Variants in SPPL3 observed in about 807,000 individuals in gnomAD.
SPPL3 encodes the protein signal peptide peptidase like 3, also known as signal peptide peptidase-like 3.
In SPPL3, 5 loss-of-function variants were observed where a neutral mutation model predicts 42.4. The ratio of observed to expected loss-of-function variants is 0.12; its 90% CI spans 0.06 to 0.25. The LOEUF is 0.25. Ranked by LOEUF, SPPL3 falls within the 10% of genes least tolerant of loss-of-function variation. The pLI, the probability that SPPL3 is intolerant of heterozygous loss-of-function variation, is 1.00. For missense variants in SPPL3, 235 were observed against 489.0 expected (o/e 0.48, Z 4.90); for synonymous variants, 195 against 181.8 (o/e 1.07, Z -0.58).
intron 1 of SPPL3, among the ~76,000 whole-genome samples, chr12:120,855,027 T>C (rs1592997346): frequency 6.6e-6 from 1 of 152,114 alleles, no homozygotes; most frequent in East Asian, 1.9e-4. Context: ...GGAAGAAGCA[T>C]GCAGGGCTTT....
chr12:120,824,590 C>G (rs1382173737), intron 1 of SPPL3, among the ~76,000 whole-genome samples: 1 of 152,174 alleles, frequency 6.6e-6, no homozygotes, highest in Non-Finnish European at 1.5e-5. Context: ...AGTGTAGTGG[C>G]ATGATCACGG....
chr12:120,892,919 T>C (rs1170145348), intron 1 of SPPL3, among the ~76,000 whole-genome samples: 2 of 145,000 alleles, frequency 1.4e-5, no homozygotes, highest in East Asian at 2.1e-4. Flanking sequence ...TAGGCAGAGG[T>C]TGCAGTGAGC....
intron 2 of SPPL3, 84 bp downstream of exon 2, chr12:120,810,725 G>GT: frequency 1.9e-6 from 2 of 1,026,504 alleles, no homozygotes; most frequent in Non-Finnish European, 3.0e-6. Context: ...TCTTCACAGA[G>GT]TAAGTTTTGG....
At chr12:120,825,969 G>A (rs976544618) in intron 1 of SPPL3, among the ~76,000 whole-genome samples, 4 of 94,930 alleles carry the variant, frequency 4.2e-5, no homozygotes, top group African/African-American at 8.5e-5. Context: ...TATCTCTGGT[G>A]ACACACTCAC....
At chr12:120,876,711 A>G (rs571112722) in intron 1 of SPPL3, among the ~76,000 whole-genome samples, 1 of 151,830 alleles carries the variant, frequency 6.6e-6, no homozygotes, top group Admixed American at 6.6e-5. Context: ...ATGCAGCTAA[A>G]AAGTGCTTAG....
chr12:120,787,306 T>C (rs1177285296), intron 3 of SPPL3, among the ~76,000 whole-genome samples: 1 of 152,222 alleles, frequency 6.6e-6, no homozygotes, highest in Non-Finnish European at 1.5e-5. Context: ...AAATTATAAC[T>C]GAAGTTTAGT....
At chr12:120,843,213 A>C (rs932472136) in intron 1 of SPPL3, among the ~76,000 whole-genome samples, 1 of 152,306 alleles carries the variant, frequency 6.6e-6, no homozygotes, top group East Asian at 1.9e-4. Context: ...CTATAGATTC[A>C]CATTAGATAA....
rs754118169 is a variant in SPPL3 at position 120,767,477 on chromosome 12, C to G, written c.890G>C (p.Cys297Ser). 8.1e-6 allele frequency: 13 copies of G among 1,614,202 alleles called. No individual in the cohort carries two copies. The highest frequency in any genetic ancestry group is 1.1e-5 in the South Asian group (1 of 91,082). The change falls in exon 9 of 11, where the codon TGT becomes TCT. Residue 297 changes from cysteine (C) to serine (S), a missense_variant. By Grantham distance (112) the Cys-to-Ser change is moderately radical. Around this residue, in one of 6 missense-constraint regions of SPPL3, gnomAD observed 29 missense variants for 16.4 expected, o/e 1.77. Coordinates refer to ENST00000353487, the MANE Select transcript of SPPL3 (RefSeq NM_139015.5). ...NYKKQASGDS[C>S]GAPGPANISG... ...GATGTTGGCAGGTCCAGGGGCCCCACAGGAGTCCCCACTGGCTTGCTTTTT... is the reference window on the plus strand; with the variant it reads ...GATGTTGGCAGGTCCAGGGGCCCCAGAGGAGTCCCCACTGGCTTGCTTTTT...
At chr12:120,797,674 G>C (rs748067559) in intron 2 of SPPL3, among the ~76,000 whole-genome samples, 9 of 152,042 alleles carry the variant, frequency 5.9e-5, no homozygotes, top group Non-Finnish European at 1.2e-4. Context: ...ATGTCCCTGG[G>C]GGTACCAAAA....
chr12:120,820,891 A>G (rs1426690452), intron 1 of SPPL3, among the ~76,000 whole-genome samples: 4 of 152,166 alleles, frequency 2.6e-5, no homozygotes, highest in African/African-American at 9.6e-5. Context: ...CTAGTAGTTC[A>G]AGACCAACCT....
intron 6 of SPPL3, among the ~76,000 whole-genome samples, chr12:120,777,534 T>C (rs1869366770): frequency 6.6e-6 from 1 of 152,162 alleles, no homozygotes; most frequent in Non-Finnish European, 1.5e-5. Flanking sequence ...TGTCACTTTA[T>C]CACTCTTAAT....
At chr12:120,893,466 T>C (rs553514930) in intron 1 of SPPL3, among the ~76,000 whole-genome samples, 76 of 152,236 alleles carry the variant, frequency 5.0e-4, no homozygotes, top group African/African-American at 1.7e-3. Flanking sequence ...AGAAGACCTT[T>C]ATGACCCTGC....
chr12:120,845,490 G>T (rs7972912), intron 1 of SPPL3: 18,173 of 426,564 alleles, frequency 0.043, 2,102 homozygotes, highest in African/African-American at 0.29. Context: ...GTACTCCATG[G>T]TTTCCACGTT....
At chr12:120,807,367 C>A (rs1039044967) in intron 2 of SPPL3, among the ~76,000 whole-genome samples, 2 of 152,010 alleles carry the variant, frequency 1.3e-5, no homozygotes, top group African/African-American at 4.8e-5. Context: ...AAAAAAATAG[C>A]CCCTAACAAT....
chr12:120,765,059 C>G lies in SPPL3; in HGVS notation c.1095G>C (p.Arg365=). 6.2e-7 allele frequency: 1 copy of G among 1,613,618 alleles called. No homozygotes were observed. The highest frequency in any genetic ancestry group is 8.5e-7 in the Non-Finnish European group (1 of 1,179,812). ...AGTGGAAAGGCTCAGACCACATCCGCCGGAGGTCGCCCTGGGAAACAAGGG... is the reference window on the plus strand; with the variant it reads ...AGTGGAAAGGCTCAGACCACATCCGGCGGAGGTCGCCCTGGGAAACAAGGG... ...LTMAYLKGDL[R]RMWSEPFHSK... The change falls in exon 11 of 11, where the codon CGG becomes CGC. Residue 365 remains arginine, a synonymous_variant. Transcript: ENST00000353487.
chr12:120,815,295 T>C (rs1291564646), intron 1 of SPPL3, among the ~76,000 whole-genome samples: 1 of 152,210 alleles, frequency 6.6e-6, no homozygotes, highest in Non-Finnish European at 1.5e-5. Flanking sequence ...AACTTTTGAA[T>C]TTTTACCCAT....
At chr12:120,862,182 A>C (rs906544731) in intron 1 of SPPL3, among the ~76,000 whole-genome samples, 4 of 152,220 alleles carry the variant, frequency 2.6e-5, no homozygotes, top group African/African-American at 9.6e-5. Context: ...AAAAATATTT[A>C]TTCATTTTAA....
intron 1 of SPPL3, among the ~76,000 whole-genome samples, chr12:120,856,251 A>T (rs1872452574): frequency 1.3e-5 from 2 of 151,922 alleles, no homozygotes; most frequent in South Asian, 4.1e-4. Context: ...CTGGCCAATG[A>T]GACAGAAGGA....
chr12:120,824,336 T>C (rs973338486), intron 1 of SPPL3, among the ~76,000 whole-genome samples: 3 of 152,162 alleles, frequency 2.0e-5, no homozygotes, highest in Admixed American at 2.0e-4. Flanking sequence ...GAACACAGGA[T>C]TCTGGTGGAA....
Sources: allele counts gnomAD v4.1 joint callset (sites outside exome capture counted in the v4.1 genomes callset), GRCh38; gene constraint gnomAD v4.1.1; regional missense constraint gnomAD v4.1.1; transcripts MANE v1.5; gene names NCBI Gene and HGNC (gene_info 2026-07-23, HGNC 2026-07-21).